Variants in DMD observed in about 807,000 individuals in gnomAD.
The protein encoded by DMD is mutant dystrophin.
DMD carries 63 observed loss-of-function variants against 330.1 expected under a neutral mutation model. That is an observed-to-expected ratio of 0.19 (90% CI 0.16 to 0.24). DMD has a LOEUF of 0.24. Among genes scored for constraint, DMD ranks in the 10% least tolerant of loss-of-function variants. DMD has a pLI of 1.00. For synonymous variants in DMD, 1,223 were observed against 959.8 expected (o/e 1.27, Z -5.07); for missense variants, 3,344 against 2,684.1 (o/e 1.25, Z -5.43).
intron 52 of DMD, among the ~76,000 whole-genome samples, chrX:31,691,086 G>T (rs1164467526): frequency 1.8e-5 from 2 of 110,142 alleles, no homozygotes; most frequent in Admixed American, 9.7e-5. Flanking sequence ...CCTGCAAGTT[G>T]TGCACATGTA....
At chrX:32,514,274 C>T (rs961930733) in intron 18 of DMD, among the ~76,000 whole-genome samples, 68 of 109,075 alleles carry the variant, frequency 6.2e-4, no homozygotes, top group Non-Finnish European at 1.1e-3. Flanking sequence ...GCACAAATAC[C>T]CACAATTTGA....
rs761702748 is a variant in DMD at position 31,262,947 on chromosome X, C to A, written c.9225-1931G>T. On this transcript the variant is annotated intron_variant, in intron 62 of 78. Transcript: ENST00000357033. Reference sequence around the variant, plus strand: ...AAGGAAAGGTTACCTTCTATTGAGACCACCCTGCATTCAGGCCTCCTCTAT... The same window carrying A: ...AAGGAAAGGTTACCTTCTATTGAGAACACCCTGCATTCAGGCCTCCTCTAT... Among the ~76,000 whole-genome samples, 4 of 112,649 alleles carry A rather than the reference C, an allele frequency of 3.6e-5. No homozygotes were observed. The South Asian group carries it at 1.1e-3, about 31-fold the overall frequency.
rs892956714 is a variant in DMD, at chrX:31,716,312, G to T, written c.7660+13319C>A. On this transcript the variant is annotated intron_variant, in intron 52 of 78. Coordinates refer to ENST00000357033, the MANE Select transcript of DMD (RefSeq NM_004006.3). The stretch of plus-strand genomic sequence containing the variant: ...CACGCCTGTAATCCCAGCACTTTGG[G>T]AGGCCGAGGCGGGTGGATCACCTGA... 8.9e-5 allele frequency among the ~76,000 whole-genome samples: 10 copies of T among 112,477 alleles called. No individual in the cohort carries two copies. The South Asian group carries it at 1.5e-3, about 17-fold the overall frequency.
chrX:32,172,856 T>C (rs2096892713), intron 44 of DMD, among the ~76,000 whole-genome samples: 1 of 111,859 alleles, frequency 8.9e-6, no homozygotes, highest in South Asian at 3.7e-4. Flanking sequence ...AGAAATGAGA[T>C]AAAACTTGAA....
chrX:31,750,466 G>A (rs1387275886), intron 51 of DMD, among the ~76,000 whole-genome samples: 6 of 110,467 alleles, frequency 5.4e-5, no homozygotes, highest in African/African-American at 9.9e-5. Flanking sequence ...GATATGCGGC[G>A]TTACTTCTGA....
In DMD at chrX:31,757,851, C is replaced by T. The variant is rs186955637; in HGVS notation, c.7542+16109G>A. Among the ~76,000 whole-genome samples the T allele has an allele frequency of 3.4e-3, 380 of 111,106 alleles. 4 individuals are homozygous for T. Among genetic ancestry groups the T allele is most frequent in the African/African-American group, 0.012 (360 of 30,580 alleles). On this transcript the variant is annotated intron_variant, in intron 51 of 78. Transcript: ENST00000357033. ...GAATCATCTTGCTAAAGTTCGTTGCCTTCCTGGAGTAGCCCACATCCAGTG... is the reference window on the plus strand; with the variant it reads ...GAATCATCTTGCTAAAGTTCGTTGCTTTCCTGGAGTAGCCCACATCCAGTG...
In DMD at chrX:32,364,568, AT is replaced by A; in HGVS notation, c.5154+13del. On this transcript the variant is annotated intron_variant, in intron 36 of 78. Transcript: ENST00000357033. ...GTACAATTTGGACATTACTTTTCATATTTTATTTGCTACCTTAAGCACGTCT... is the reference window on the plus strand; with the variant it reads ...GTACAATTTGGACATTACTTTTCATATTTATTTGCTACCTTAAGCACGTCT... 8.3e-7 allele frequency: 1 copy of A among 1,209,746 alleles called. No individual in the cohort carries two copies. The highest frequency in any genetic ancestry group is 1.1e-6 in the Non-Finnish European group (1 of 894,068).
intron 29 of DMD, among the ~76,000 whole-genome samples, chrX:32,425,200 A>C (rs936083810): frequency 1.3e-4 from 14 of 111,404 alleles, no homozygotes; most frequent in Non-Finnish European, 2.6e-4. Flanking sequence ...TTCCTCAATG[A>C]CACCAGTTCT....
chrX:31,241,757 G>A (rs754997678), intron 63 of DMD, among the ~76,000 whole-genome samples: 2 of 110,939 alleles, frequency 1.8e-5, no homozygotes, highest in South Asian at 7.6e-4. Flanking sequence ...AAAACAAAAC[G>A]AAATAATCTC....
intron 2 of DMD, among the ~76,000 whole-genome samples, chrX:32,887,703 G>A (rs114236910): frequency 0.052 from 4,242 of 80,983 alleles, 204 homozygotes; most frequent in East Asian, 0.24. Context: ...AGCCTAGACC[G>A]CACCATTGCA....
intron 1 of DMD, among the ~76,000 whole-genome samples, chrX:33,199,439 T>C (rs1428769695): frequency 6.3e-5 from 7 of 110,984 alleles, no homozygotes; most frequent in East Asian, 5.7e-4. Flanking sequence ...CACCATTCAA[T>C]GATAAGAAAA....
chrX:32,716,862 T>C, intron 7 of DMD, among the ~76,000 whole-genome samples: 1 of 111,770 alleles, frequency 8.9e-6, no homozygotes, highest in East Asian at 2.8e-4. Context: ...GCCCCTGCTC[T>C]AGGTATGTGT....
chrX:32,416,692 G>C (rs768810994), intron 29 of DMD, among the ~76,000 whole-genome samples: 7 of 111,856 alleles, frequency 6.3e-5, no homozygotes, highest in African/African-American at 9.8e-5. Context: ...TTATTTTATA[G>C]AAAGTGTCTT....
At chrX:32,656,924 A>G (rs184246157) in intron 9 of DMD, among the ~76,000 whole-genome samples, 19 of 111,530 alleles carry the variant, frequency 1.7e-4, no homozygotes, top group African/African-American at 5.5e-4. Flanking sequence ...AGTTTCAAAT[A>G]TATGTCTTCC....
chrX:31,207,203 T>A (rs918777788), intron 65 of DMD, among the ~76,000 whole-genome samples: 7 of 109,897 alleles, frequency 6.4e-5, no homozygotes, highest in Admixed American at 1.9e-4. Context: ...TAATATAGAA[T>A]ATAAATGTTT....
At chrX:31,263,349 G>C in intron 62 of DMD, among the ~76,000 whole-genome samples, 1 of 112,299 alleles carries the variant, frequency 8.9e-6, no homozygotes, top group Non-Finnish European at 1.9e-5. Context: ...ATGAATGAGG[G>C]CTTCATGGAG....
intron 7 of DMD, among the ~76,000 whole-genome samples, chrX:32,772,715 T>G (rs1479396563): frequency 1.8e-5 from 2 of 111,438 alleles, no homozygotes; most frequent in African/African-American, 6.5e-5. Flanking sequence ...AATCAATCCC[T>G]GTATCCTAAA....
chrX:32,073,055 C>T (rs142625438), intron 44 of DMD, among the ~76,000 whole-genome samples: 1 of 111,957 alleles, frequency 8.9e-6, no homozygotes, highest in Non-Finnish European at 1.9e-5. Context: ...CAAGGCCAGT[C>T]TGCTAAATTC....
chrX:33,082,256 A>G (rs56996125), intron 1 of DMD, among the ~76,000 whole-genome samples: 3,336 of 112,171 alleles, frequency 0.03, 118 homozygotes, highest in African/African-American at 0.1. Context: ...CTCTTTAAAA[A>G]AGAAATTCTT....
Sources: gnomAD v4.1 joint callset for allele counts (sites outside exome capture counted in the v4.1 genomes callset) on GRCh38, gnomAD v4.1.1 for gene constraint, MANE v1.5 for transcripts, NCBI Gene and HGNC (gene_info 2026-07-23, HGNC 2026-07-21) for gene names.